EPHA4: variants seen among roughly 807,000 people sequenced by gnomAD.
EPHA4 encodes the protein EPH receptor A4, also known as ephrin type-A receptor 4.
A neutral mutation model predicts 108.3 loss-of-function variants in EPHA4; 19 were observed. The ratio of observed to expected loss-of-function variants is 0.18; its 90% CI spans 0.12 to 0.26. The LOEUF (loss-of-function observed/expected upper bound fraction) is 0.26. Among genes scored for constraint, EPHA4 ranks in the 10% least tolerant of loss-of-function variants. EPHA4 has a pLI of 1.00. For synonymous variants in EPHA4, 449 were observed against 455.5 expected, an observed-to-expected ratio of 0.99 and a Z score of 0.18; for missense variants, 917 against 1,254.0, an observed-to-expected ratio of 0.73 and a Z score of 4.06.
chr2:221,566,872 A>AAGAAGAAGG (rs1553595907), intron 2 of EPHA4, among the ~76,000 whole-genome samples: 18 of 41,594 alleles, frequency 4.3e-4, no homozygotes, highest in South Asian at 9.8e-4. Flanking sequence ...GAAGAAGAAG[A>AAGAAGAAGG]AGAAGGAGAA....
At chr2:221,515,137 C>A (rs1430702252) in intron 3 of EPHA4, among the ~76,000 whole-genome samples, 1 of 152,134 alleles carries the variant, frequency 6.6e-6, no homozygotes, top group African/African-American at 2.4e-5. Context: ...CTCTTGTTGG[C>A]CAGGCTGGAG....
At chr2:221,572,365 A>C, upstream of EPHA4, 1 of 876,822 alleles carries the variant, frequency 1.1e-6, no homozygotes, top group East Asian at 2.7e-5. Flanking sequence ...CGGTGACGTG[A>C]GCCCGCCAGT....
intron 3 of EPHA4, among the ~76,000 whole-genome samples, chr2:221,506,896 G>A (rs1692647233): frequency 6.6e-6 from 1 of 152,128 alleles, no homozygotes; most frequent in African/African-American, 2.4e-5. Flanking sequence ...AAATCATTAA[G>A]TACTTTTTTG....
intron 14 of EPHA4, among the ~76,000 whole-genome samples, chr2:221,432,470 A>G (rs1313053344): frequency 6.6e-6 from 1 of 152,144 alleles, no homozygotes; most frequent in African/African-American, 2.4e-5. Flanking sequence ...TCTTCTTCCA[A>G]CCTGTAATTA....
chr2:221,432,243 T>C (rs1017118581), intron 14 of EPHA4, among the ~76,000 whole-genome samples: 2 of 152,068 alleles, frequency 1.3e-5, no homozygotes, highest in African/African-American at 4.8e-5. Context: ...ACTCTGCTCT[T>C]ACGAACATTT....
intron 15 of EPHA4, among the ~76,000 whole-genome samples, chr2:221,428,097 A>T (rs556546781): frequency 2.6e-5 from 4 of 152,320 alleles, no homozygotes; most frequent in Admixed American, 6.5e-5. Context: ...CATTTAATTG[A>T]GTGTGGATAT....
At chr2:221,539,002 A>G (rs979407763) in intron 3 of EPHA4, among the ~76,000 whole-genome samples, 11 of 152,298 alleles carry the variant, frequency 7.2e-5, no homozygotes, top group Admixed American at 5.2e-4. Flanking sequence ...ACTGCCATAT[A>G]TAGTTGTACA....
rs756889351 is a variant in EPHA4, at chr2:221,430,036, A to T, written c.2612T>A (p.Phe871Tyr). 1.2e-6 allele frequency: 2 copies of T among 1,613,938 alleles called. No homozygotes were observed. The highest frequency in any genetic ancestry group is 8.5e-7 in the Non-Finnish European group (1 of 1,179,958). ...WQKERSDRPKFGQIVNMLDKL... is the reference protein window; with the variant it reads ...WQKERSDRPKYGQIVNMLDKL... The stretch of plus-strand genomic sequence containing the variant: ...GTCCAACATGTTGACAATCTGCCCA[A>T]ATTTAGGCCTGTCGCTCCTCTCCTT... Residue 871 changes from phenylalanine (F) to tyrosine (Y), a missense_variant, in exon 15 of 18, where the codon TTT becomes TAT. Around this residue, in one of 3 missense-constraint regions of EPHA4, gnomAD observed 133 missense variants for 132.8 expected, o/e 1.00. Coordinates refer to ENST00000281821, the MANE Select transcript of EPHA4 (RefSeq NM_004438.5).
Position 221,482,641 on chromosome 2 carries a change from A to C in EPHA4, c.1029T>G (p.Ser343=). ...GAGGGCTACTCCATTCCAAGTTCAC[A>C]GATGTCTCGTTGACATTTGAAATCA... is the stretch of plus-strand genomic sequence containing the variant. ...LNLISNVNET[S]VNLEWSSPQN... is the part of the protein sequence containing the mutation. The change falls in exon 5 of 18, where the codon TCT becomes TCG. Residue 343 remains serine (S), a synonymous_variant. Coordinates refer to ENST00000281821, the MANE Select transcript of EPHA4 (RefSeq NM_004438.5). 6.2e-7 allele frequency: 1 copy of C among 1,605,930 alleles called. No homozygotes were observed. Among genetic ancestry groups the C allele is most frequent in the South Asian group, 1.1e-5 (1 of 90,980 alleles).
At chr2:221,566,872 A>AGAAGGAGAAGG (rs1345332620) in intron 2 of EPHA4, among the ~76,000 whole-genome samples, 13 of 41,588 alleles carry the variant, frequency 3.1e-4, no homozygotes, top group African/African-American at 9.0e-4. Context: ...GAAGAAGAAG[A>AGAAGGAGAAGG]AGAAGGAGAA....
Position 221,571,048 on chromosome 2 carries a change from C to T in EPHA4, c.91+1110G>A, listed in dbSNP as rs1006968446. ...GCACGAGCATACACTCGAACACACG[C>T]GCACACACTCAGGACATCTGCGCAC... On this transcript the variant is annotated intron_variant, in intron 1 of 17. Transcript: ENST00000281821. The surrounding 1 kb of genome is among the most constrained non-coding windows in gnomAD (Gnocchi z 6.3). Among the ~76,000 whole-genome samples, 2 of 152,180 alleles carry T rather than the reference C, an allele frequency of 1.3e-5. No individual in the cohort carries two copies. Among genetic ancestry groups the T allele is most frequent in the Non-Finnish European group, 2.9e-5 (2 of 68,042 alleles).
intron 3 of EPHA4, among the ~76,000 whole-genome samples, chr2:221,531,776 T>C (rs1482221484): frequency 6.6e-6 from 1 of 152,236 alleles, no homozygotes. Context: ...TGTAAATGTC[T>C]ATTTTATTTT....
chr2:221,516,265 G>T lies in EPHA4; in HGVS notation c.824-15093C>A, dbSNP rs1036616949. Among the ~76,000 whole-genome samples the T allele has an allele frequency of 2.0e-5, 3 of 151,858 alleles. No homozygotes were observed. In the East Asian group the frequency reaches 5.8e-4, roughly 29 times the overall value. On this transcript the variant is annotated intron_variant, in intron 3 of 17. Transcript: ENST00000281821. The stretch of plus-strand genomic sequence containing the variant: ...TTCTAGGGGTCAGTTTCCTCTAAGA[G>T]TACCAGACTAAATAATTTAAAATAT...
chr2:221,475,519 T>C (rs12463452), intron 5 of EPHA4, among the ~76,000 whole-genome samples: 83,002 of 152,044 alleles, frequency 0.55, 22,825 homozygotes, highest in Non-Finnish European at 0.56. Flanking sequence ...CTCAACCTTG[T>C]TCTTACTGGT....
At chr2:221,555,128 A>G (rs921763037) in intron 3 of EPHA4, among the ~76,000 whole-genome samples, 1 of 152,150 alleles carries the variant, frequency 6.6e-6, no homozygotes, top group African/African-American at 2.4e-5. Context: ...GTTATTTTGC[A>G]TGGGGCAGGG....
At position 221,424,888 on chromosome 2, in the gene EPHA4, G is replaced by T. The variant is rs10184094; in HGVS notation, c.*819+321C>A. On this transcript the variant is annotated intron_variant, in intron 17 of 17. Coordinates refer to ENST00000281821, the MANE Select transcript of EPHA4 (RefSeq NM_004438.5). ...GATAATAAATATGTGTACCATGAATGAATGGCACCAAAGGACAGGAGGAGC... is the reference window on the plus strand; with the variant it reads ...GATAATAAATATGTGTACCATGAATTAATGGCACCAAAGGACAGGAGGAGC... Among the ~76,000 whole-genome samples, 604 of 152,288 alleles carry T rather than the reference G, an allele frequency of 4.0e-3. 7 individuals carry two copies. Among genetic ancestry groups the T allele is most frequent in the African/African-American group, 0.014 (571 of 41,554 alleles).
chr2:221,530,534 G>A (rs1247382306), intron 3 of EPHA4, among the ~76,000 whole-genome samples: 1 of 152,206 alleles, frequency 6.6e-6, no homozygotes, highest in Admixed American at 6.5e-5. Flanking sequence ...GGTAGAGGTG[G>A]CTCTGCCACA....
In EPHA4 at chr2:221,468,346, C is replaced by T. The variant is rs368252636; in HGVS notation, c.1319-10356G>A. Among the ~76,000 whole-genome samples, 16 of 152,244 alleles carry T rather than the reference C, an allele frequency of 1.1e-4. No individual in the cohort carries two copies. The East Asian group carries it at 2.9e-3, about 28-fold the overall frequency. ...AATGTAAGGAAAAGGTTCATTTTTA[C>T]TGAGCAGAATACAGAAAAGAGAAAG... On this transcript the variant is annotated intron_variant, in intron 5 of 17. Coordinates refer to ENST00000281821, the MANE Select transcript of EPHA4 (RefSeq NM_004438.5).
chr2:221,446,197 TA>T lies in EPHA4; in HGVS notation c.1716-17del. On this transcript the variant is annotated splice_polypyrimidine_tract_variant and intron_variant, in intron 8 of 17. Coordinates refer to ENST00000281821, the MANE Select transcript of EPHA4 (RefSeq NM_004438.5). ...TTTACTCCGTCTATTAAAATTTTTT[TA>T]AAAAAGAGAATTATTTTCCTCAAAC... The T allele has an allele frequency of 2.0e-6, 3 of 1,466,794 alleles. No homozygotes were observed. Among genetic ancestry groups the T allele is most frequent in the Non-Finnish European group, 1.8e-6 (2 of 1,099,948 alleles). The allele number at this position is 1,466,794 out of a possible 1,614,324, so 90.9% of individuals were successfully genotyped here. A position where few individuals can be genotyped will look rare whatever the true frequency, so the allele number is the denominator to read the frequency against.
Sources: gnomAD v4.1 joint callset for allele counts (sites outside exome capture counted in the v4.1 genomes callset) on GRCh38, gnomAD v4.1.1 for gene constraint, gnomAD v4.1.1 regional missense constraint, Gnocchi (gnomAD v3.1) non-coding constraint, MANE v1.5 for transcripts, NCBI Gene and HGNC (gene_info 2026-07-23, HGNC 2026-07-21) for gene names.